ALMS1: variants seen among roughly 807,000 people sequenced by gnomAD.
ALMS1 encodes the protein centrosome-associated protein ALMS1.
In ALMS1, 271 loss-of-function variants were observed where a neutral mutation model predicts 352.2. The observed-to-expected ratio is 0.77, with a 90% CI of 0.70 to 0.85. The LOEUF is 0.85. Ranked by LOEUF, ALMS1 falls within the 40% of genes least tolerant of loss-of-function variation. The pLI, the probability that ALMS1 is intolerant of heterozygous loss-of-function variation, is 0.00. For synonymous variants in ALMS1, 1,865 were observed against 1,761.2 expected, an observed-to-expected ratio of 1.06 and a Z score of -1.48; for missense variants, 5,445 against 4,870.7, an observed-to-expected ratio of 1.12 and a Z score of -3.51.
rs180739920 is a variant in ALMS1 at position 73,439,633 on chromosome 2, C to T, written c.1432+7342C>T. 4.2e-4 allele frequency among the ~76,000 whole-genome samples: 63 copies of T among 151,722 alleles called. 2 individuals are homozygous for T. The highest frequency in any genetic ancestry group is 3.5e-3 in the Admixed American group (54 of 15,250). On this transcript the variant is annotated intron_variant, in intron 7 of 22. Coordinates refer to ENST00000613296, the MANE Select transcript of ALMS1 (RefSeq NM_001378454.1). ...TCGGCTCACTGCAACCTCCACCTCC[C>T]AGGTTCAAGCGATTCTCCTGCCTCA...
chr2:73,502,183 T>C lies in ALMS1; in HGVS notation c.9539+10685T>C, dbSNP rs144537126. ...CCTACTGTGGGATGTTTTAGGGCAA[T>C]GAGTGCTGTAGAGAATTTATACAAG... On this transcript the variant is annotated intron_variant, in intron 10 of 22. Coordinates refer to ENST00000613296, the MANE Select transcript of ALMS1 (RefSeq NM_001378454.1). Among the ~76,000 whole-genome samples, 151 of 152,220 alleles carry C rather than the reference T, an allele frequency of 9.9e-4. 1 individual carries two copies. In the East Asian group the frequency reaches 0.014, roughly 15 times the overall value.
rs763511170 is a variant in ALMS1 at position 73,451,069 on chromosome 2, C to T, written c.4542C>T (p.Gly1514=). ...CTGGACCAGTTGGCCAGACAACTGG[C>T]GCACCAACTATAACCTCTCCTTCCT... The part of the protein sequence containing the change: ...VAPGPVGQTT[G]APTITSPSYS... The change falls in exon 8 of 23, where the codon GGC becomes GGT. Residue 1514 remains glycine (G), a synonymous_variant. Transcript: ENST00000613296. The T allele has an allele frequency of 1.1e-5, 18 of 1,613,360 alleles. No homozygotes were observed. The highest frequency in any genetic ancestry group is 2.7e-5 in the African/African-American group (2 of 74,688).
chr2:73,578,339 C>CT (rs1237043949), intron 16 of ALMS1, among the ~76,000 whole-genome samples: 8 of 152,182 alleles, frequency 5.3e-5, no homozygotes, highest in Non-Finnish European at 1.2e-4. Flanking sequence ...TCTGCCCTCT[C>CT]TGCCTTTTAA....
rs778409579 is a variant in ALMS1 at position 73,603,293 on chromosome 2, G to A, written c.12351G>A (p.Gln4117=). The A allele has an allele frequency of 6.2e-7, 1 of 1,614,124 alleles. No homozygotes were observed. Among genetic ancestry groups the A allele is most frequent in the Admixed American group, 1.7e-5 (1 of 60,026 alleles). The part of the protein sequence containing the change: ...NKPISKKEMI[Q]RSKRIYEQLP... ...CTATCAGCAAGAAGGAAATGATTCA[G>A]AGGTCCAAACGGTAAGACCAAGAAA... Residue 4117 remains glutamine, a synonymous_variant, in exon 21 of 23, where the codon CAG becomes CAA. Coordinates refer to ENST00000613296, the MANE Select transcript of ALMS1 (RefSeq NM_001378454.1).
In ALMS1 at chr2:73,551,425, C is replaced by CTTTTTTTTTT. The variant is rs372741747; in HGVS notation, c.10078+1007_10078+1016dup. Among the ~76,000 whole-genome samples, 3 of 73,688 alleles carry CTTTTTTTTTT rather than the reference C, an allele frequency of 4.1e-5. 1 individual carries two copies. The highest frequency in any genetic ancestry group is 3.1e-4 in the Admixed American group (2 of 6,356). The allele number at this position is 73,688 out of a possible 152,430, so 48.3% of individuals were successfully genotyped here. A position where few individuals can be genotyped will look rare whatever the true frequency, so the allele number is the denominator to read the frequency against. ...TCACTGTGGGTATTTGAGTTTCAAT[C>CTTTTTTTTTT]TTTTTTTTTTTTTTTTTTTTTTTTT... On this transcript the variant is annotated intron_variant, in intron 13 of 22. Transcript: ENST00000613296.
At chr2:73,576,999 G>C (rs1184799348) in intron 16 of ALMS1, among the ~76,000 whole-genome samples, 1 of 152,124 alleles carries the variant, frequency 6.6e-6, no homozygotes, top group African/African-American at 2.4e-5. Flanking sequence ...ACATTCCTGA[G>C]ATAAATACCA....
chr2:73,594,221 C>G (rs763948556), intron 16 of ALMS1, among the ~76,000 whole-genome samples: 1 of 149,704 alleles, frequency 6.7e-6, no homozygotes, highest in Non-Finnish European at 1.5e-5. Flanking sequence ...TTTCCACATC[C>G]TAGTGAACAG....
chr2:73,410,757 T>C (rs1192545837), intron 2 of ALMS1, among the ~76,000 whole-genome samples: 1 of 152,262 alleles, frequency 6.6e-6, no homozygotes, highest in African/African-American at 2.4e-5. Flanking sequence ...GAAACGATCA[T>C]GAGCAGATAG....
chr2:73,389,599 GAGAT>G (rs1298793647), intron 1 of ALMS1, among the ~76,000 whole-genome samples: 1 of 152,100 alleles, frequency 6.6e-6, no homozygotes, highest in Non-Finnish European at 1.5e-5. Context: ...CATATGGTGA[GAGAT>G]AGGGACCCAG....
Position 73,459,955 on chromosome 2 carries a change from G to A in ALMS1, c.7674+4660G>A, listed in dbSNP as rs79136271. Among the ~76,000 whole-genome samples the A allele has an allele frequency of 2.0e-5, 3 of 152,142 alleles. No homozygotes were observed. The East Asian group carries it at 5.8e-4, about 29-fold the overall frequency. ...GCACCCCCCTCTCCCCTGTAGGCCT[G>A]TTTCCTTATCTATTACTTTTATTAT... On this transcript the variant is annotated intron_variant, in intron 9 of 22. Transcript: ENST00000613296.
At chr2:73,567,606 CTA>C (rs1215902839) in intron 15 of ALMS1, among the ~76,000 whole-genome samples, 1 of 152,172 alleles carries the variant, frequency 6.6e-6, no homozygotes, top group African/African-American at 2.4e-5. Context: ...GGCACTTACT[CTA>C]TGATAAAGGT....
chr2:73,601,492 C>A (rs1442512700), intron 19 of ALMS1, 56 bp downstream of exon 19: 3 of 1,591,278 alleles, frequency 1.9e-6, no homozygotes, highest in African/African-American at 2.7e-5. Flanking sequence ...AAGGGCAAGG[C>A]GCAGAGAAGC....
rs2103720411 is a variant in ALMS1 at position 73,426,490 on chromosome 2, T to C, written c.1275T>C (p.Thr425=). The change falls in exon 6 of 23, where the codon ACT becomes ACC. Residue 425 remains threonine, a synonymous_variant. Coordinates refer to ENST00000613296, the MANE Select transcript of ALMS1 (RefSeq NM_001378454.1). The stretch of plus-strand genomic sequence containing the variant: ...GGAAGGTTGAGTCTGACGTCATTAC[T>C]CTGGATGGCCTAAATGAAAATGCTG... ...LQGKVESDVI[T]LDGLNENAVV... 1.9e-6 allele frequency: 3 copies of C among 1,614,178 alleles called. No homozygotes were observed. The highest frequency in any genetic ancestry group is 2.5e-6 in the Non-Finnish European group (3 of 1,179,986).
At chr2:73,573,904 G>A (rs543642316) in intron 16 of ALMS1, among the ~76,000 whole-genome samples, 1 of 151,788 alleles carries the variant, frequency 6.6e-6, no homozygotes, top group African/African-American at 2.4e-5. Context: ...TGAAGCTGGG[G>A]TGAGCTACAA....
chr2:73,570,787 A>G (rs545498833), intron 15 of ALMS1, among the ~76,000 whole-genome samples: 1 of 152,278 alleles, frequency 6.6e-6, no homozygotes, highest in African/African-American at 2.4e-5. Flanking sequence ...CAGAAAGGTT[A>G]TGGGAGCAGG....
chr2:73,549,327 T>C (rs1674382141), intron 12 of ALMS1, among the ~76,000 whole-genome samples: 2 of 152,220 alleles, frequency 1.3e-5, no homozygotes, highest in Admixed American at 6.5e-5. Context: ...GTTTTGTCTT[T>C]TGTATTGTCA....
intron 12 of ALMS1, among the ~76,000 whole-genome samples, chr2:73,549,081 T>C (rs758490554): frequency 8.5e-5 from 13 of 152,094 alleles, no homozygotes; most frequent in Non-Finnish European, 1.6e-4. Flanking sequence ...CTTACCCAGC[T>C]CTTATTGCCA....
chr2:73,589,432 A>G (rs543244386), intron 16 of ALMS1, among the ~76,000 whole-genome samples: 1 of 152,232 alleles, frequency 6.6e-6, no homozygotes, highest in African/African-American at 2.4e-5. Context: ...GGGTTGAGTT[A>G]AATGTACTCC....
At position 73,494,662 on chromosome 2, in the gene ALMS1, G is replaced by C. The variant is rs1572973318; in HGVS notation, c.9539+3164G>C. Among the ~76,000 whole-genome samples, 3 of 152,148 alleles carry C rather than the reference G, an allele frequency of 2.0e-5. No individual in the cohort carries two copies. In the South Asian group the frequency reaches 6.2e-4, roughly 32 times the overall value. On this transcript the variant is annotated intron_variant, in intron 10 of 22. Transcript: ENST00000613296. ...AAGCTTCTTCAATTTAGCATTGTTT[G>C]ATGGTTCAAGGTTAGATTAGGGTTA...
Sources: allele counts gnomAD v4.1 joint callset (sites outside exome capture counted in the v4.1 genomes callset), GRCh38; gene constraint gnomAD v4.1.1; transcripts MANE v1.5; gene names NCBI Gene and HGNC (gene_info 2026-07-23, HGNC 2026-07-21).